The following TOM1L1 variants were observed in gnomAD, a reference collection of about 807,000 sequenced individuals.
TOM1L1 encodes TOM1-like protein 1.
Under a neutral mutation model 63.4 loss-of-function variants are expected in TOM1L1, and 64 were observed. The observed-to-expected ratio is 1.01, with a 90% CI of 0.83 to 1.24. The LOEUF (loss-of-function observed/expected upper bound fraction) is 1.24, where lower values mean the gene tolerates loss of function less well. Ranked by LOEUF, TOM1L1 falls within the 50% of genes most tolerant of loss-of-function variation. The pLI is 0.00. For missense variants in TOM1L1, 536 were observed against 567.0 expected (o/e 0.95, Z 0.55); for synonymous variants, 166 against 194.4 (o/e 0.85, Z 1.22).
intron 4 of TOM1L1, among the ~76,000 whole-genome samples, chr17:54,913,256 T>C (rs1231310399): frequency 6.6e-6 from 1 of 152,242 alleles, no homozygotes; most frequent in African/African-American, 2.4e-5. Flanking sequence ...TTAAAAGATT[T>C]TATATTTTCC....
chr17:54,929,061 T>C (rs1425824545), intron 7 of TOM1L1, among the ~76,000 whole-genome samples: 3 of 152,182 alleles, frequency 2.0e-5, no homozygotes, highest in Admixed American at 6.5e-5. Flanking sequence ...GATTGTGCAG[T>C]GTTTAAGGAA....
chr17:54,912,630 A>G (rs1015460279), intron 3 of TOM1L1, 36 bp from the exon 4 acceptor site: 16 of 1,463,994 alleles, frequency 1.1e-5, no homozygotes, highest in Non-Finnish European at 1.2e-5. Context: ...TGGTTTTGCC[A>G]GATAAATATA....
chr17:54,904,672 G>A (rs932218278), intron 2 of TOM1L1, among the ~76,000 whole-genome samples: 2 of 152,170 alleles, frequency 1.3e-5, no homozygotes, highest in Non-Finnish European at 2.9e-5. Context: ...TTCGAGAATC[G>A]AAGTTATAAG....
chr17:54,960,326 T>C (rs906549930), intron 14 of TOM1L1, among the ~76,000 whole-genome samples: 27 of 151,986 alleles, frequency 1.8e-4, no homozygotes, highest in African/African-American at 4.8e-4. Context: ...GAAAGCACCA[T>C]TGCACTCCAG....
intron 14 of TOM1L1, among the ~76,000 whole-genome samples, chr17:54,960,251 G>A (rs1450495799): frequency 1.3e-5 from 2 of 152,078 alleles, no homozygotes; most frequent in African/African-American, 4.8e-5. Flanking sequence ...TGTAATCCCA[G>A]CTACTCGTGG....
At chr17:54,906,634 G>A (rs892340035) in intron 3 of TOM1L1, 2 of 418,024 alleles carry the variant, frequency 4.8e-6, no homozygotes, top group South Asian at 1.0e-4. Context: ...TTCCAAACAA[G>A]TTCTGCTGCC....
intron 14 of TOM1L1, among the ~76,000 whole-genome samples, chr17:54,951,034 G>T (rs532501023): frequency 6.6e-6 from 1 of 152,114 alleles, no homozygotes; most frequent in Non-Finnish European, 1.5e-5. Context: ...CAGGTTGAGA[G>T]CTCAGTCCCC....
intron 7 of TOM1L1, among the ~76,000 whole-genome samples, chr17:54,929,639 T>C (rs1180854965): frequency 6.6e-6 from 1 of 152,200 alleles, no homozygotes; most frequent in East Asian, 1.9e-4. Flanking sequence ...AGTTCCTCAT[T>C]ACACACATCT....
intron 7 of TOM1L1, among the ~76,000 whole-genome samples, chr17:54,922,283 G>T (rs2048697164): frequency 6.6e-6 from 1 of 150,942 alleles, no homozygotes; most frequent in Non-Finnish European, 1.5e-5. Context: ...ACAGAGCGAG[G>T]CTGTCTCAAA....
chr17:54,918,773 A>G (rs1375020878), intron 7 of TOM1L1, among the ~76,000 whole-genome samples: 1 of 152,228 alleles, frequency 6.6e-6, no homozygotes, highest in South Asian at 2.1e-4. Context: ...TGTAAAACCA[A>G]TTGTCTACTG....
At chr17:54,923,435 G>C (rs1221362834) in intron 7 of TOM1L1, among the ~76,000 whole-genome samples, 1 of 151,846 alleles carries the variant, frequency 6.6e-6, no homozygotes, top group Admixed American at 6.6e-5. Flanking sequence ...GCTGGTAGGT[G>C]TGAAGTGGTA....
intron 1 of TOM1L1, chr17:54,901,254 A>G (rs2048322584): frequency 2.5e-6 from 1 of 399,624 alleles, no homozygotes; most frequent in Admixed American, 3.6e-5. Flanking sequence ...CGGTAGGGGA[A>G]GTTATTCCTA....
chr17:54,913,012 C>T (rs180688110), intron 4 of TOM1L1, among the ~76,000 whole-genome samples, 197 bp downstream of exon 4: 1 of 152,208 alleles, frequency 6.6e-6, no homozygotes, highest in African/African-American at 2.4e-5. Flanking sequence ...GTAGTCATTT[C>T]CCTGCTTTCC....
chr17:54,932,106 TC>T (rs2048872225), intron 8 of TOM1L1, among the ~76,000 whole-genome samples: 1 of 151,962 alleles, frequency 6.6e-6, no homozygotes, highest in Admixed American at 6.6e-5. Context: ...ACAAAACTCC[TC>T]AGACACTGAG....
intron 7 of TOM1L1, chr17:54,916,693 T>C (rs1598014151): frequency 6.6e-6 from 1 of 152,202 alleles, no homozygotes; most frequent in Admixed American, 6.5e-5. Context: ...CTTAGATTGT[T>C]AGTAAATAAC....
intron 7 of TOM1L1, among the ~76,000 whole-genome samples, chr17:54,920,463 T>C (rs1238186170): frequency 6.6e-6 from 1 of 152,114 alleles, no homozygotes; most frequent in African/African-American, 2.4e-5. Flanking sequence ...ACCCCAAGGA[T>C]TACAGAAAAG....
Position 54,949,934 on chromosome 17 carries a change from G to A in TOM1L1, c.1289-111G>A, listed in dbSNP as rs923958538. 7 of 856,456 alleles carry A rather than the reference G, an allele frequency of 8.2e-6. No individual in the cohort carries two copies. In the African/African-American group the frequency reaches 1.2e-4, roughly 15 times the overall value. 53.1% of individuals were successfully genotyped at this position (856,456 alleles called of 1,614,324 possible). On this transcript the variant is annotated intron_variant, in intron 13 of 15. Transcript: ENST00000575882. ...AGCATTGGGACACCAGTCTGTTTTG[G>A]TTGTGTTTATTAGGATCTAATATTT...
rs918961881 is a variant in TOM1L1 at position 54,915,476 on chromosome 17, G to A, written c.604-270G>A. 2.6e-5 allele frequency among the ~76,000 whole-genome samples: 4 copies of A among 151,666 alleles called. No individual in the cohort carries two copies. The East Asian group carries it at 5.8e-4, about 22-fold the overall frequency. On this transcript the variant is annotated intron_variant, in intron 6 of 15. Transcript: ENST00000575882. ...TGGTACTTCTCCCCTCTCCATATTG[G>A]GTTCTAATCTTTTTTTTTCCTTTCA...
chr17:54,905,649 A>T (rs2048397376), intron 3 of TOM1L1, 82 bp downstream of exon 3: 6 of 893,504 alleles, frequency 6.7e-6, no homozygotes, highest in Non-Finnish European at 8.7e-6. Context: ...AAAAATAAGA[A>T]GCAAGTATTC....
Sources: allele counts gnomAD v4.1 joint callset (sites outside exome capture counted in the v4.1 genomes callset), GRCh38; gene constraint gnomAD v4.1.1; transcripts MANE v1.5; gene names NCBI Gene and HGNC (gene_info 2026-07-23, HGNC 2026-07-21).